The following NEGR1 variants were observed in gnomAD, a reference collection of about 807,000 sequenced individuals.
The protein encoded by NEGR1 is neuronal growth regulator 1, also known as IgLON family member 4.
In NEGR1, 10 loss-of-function variants were observed where a neutral mutation model predicts 40.9. The ratio of observed to expected loss-of-function variants is 0.24; its 90% CI spans 0.15 to 0.42. The LOEUF is 0.42. Among genes scored for constraint, NEGR1 ranks in the 10% least tolerant of loss-of-function variants. The pLI is 1.00. For synonymous variants in NEGR1, 185 were observed against 166.8 expected (o/e 1.11, Z -0.84); for missense variants, 352 against 438.9 (o/e 0.80, Z 1.77).
chr1:71,928,305 T>TATACACATATGTATATAC, intron 2 of NEGR1, among the ~76,000 whole-genome samples: 2 of 133,954 alleles, frequency 1.5e-5, no homozygotes, highest in Admixed American at 7.6e-5. Context: ...TATGTATATA[T>TATACACATATGTATATAC]ACACACATAT....
intron 4 of NEGR1, among the ~76,000 whole-genome samples, chr1:71,613,693 G>A (rs1650347966): frequency 6.6e-6 from 1 of 151,616 alleles, no homozygotes; most frequent in East Asian, 1.9e-4. Flanking sequence ...GAAACATTAG[G>A]AGTTGTATGC....
At chr1:72,262,711 T>C (rs1343209799) in intron 1 of NEGR1, among the ~76,000 whole-genome samples, 2 of 151,970 alleles carry the variant, frequency 1.3e-5, no homozygotes, top group African/African-American at 2.4e-5. Flanking sequence ...TAAAGGTACA[T>C]ATATGCTTAA....
chr1:72,248,893 A>G (rs1654996148), intron 1 of NEGR1, among the ~76,000 whole-genome samples: 1 of 152,138 alleles, frequency 6.6e-6, no homozygotes, highest in African/African-American at 2.4e-5. Context: ...ACATAACCCT[A>G]CAAGAGTTTA....
At chr1:71,572,867 T>C (rs1381515400) in intron 6 of NEGR1, among the ~76,000 whole-genome samples, 1 of 151,962 alleles carries the variant, frequency 6.6e-6, no homozygotes, top group East Asian at 1.9e-4. Context: ...AATCAATGAA[T>C]AGTCGATAAA....
At chr1:72,151,239 C>A (rs1428618504) in intron 1 of NEGR1, among the ~76,000 whole-genome samples, 1 of 151,260 alleles carries the variant, frequency 6.6e-6, no homozygotes. Flanking sequence ...TTGATTTACT[C>A]ATTTTAAATT....
At chr1:71,756,425 C>CAAAAAAAAAAAAA (rs1491453120) in intron 3 of NEGR1, among the ~76,000 whole-genome samples, 1 of 110,432 alleles carries the variant, frequency 9.1e-6, no homozygotes, top group Non-Finnish European at 1.9e-5. Context: ...AAAAAAAAAC[C>CAAAAAAAAAAAAA]AAAAAAAACC....
intron 1 of NEGR1, among the ~76,000 whole-genome samples, chr1:72,141,889 G>A (rs150617459): frequency 6.6e-6 from 1 of 151,998 alleles, no homozygotes; most frequent in Non-Finnish European, 1.5e-5. Context: ...GTCAAACAAT[G>A]ACAGTTAATA....
chr1:71,856,421 T>A (rs879916340), intron 2 of NEGR1, among the ~76,000 whole-genome samples: 2 of 152,132 alleles, frequency 1.3e-5, no homozygotes, highest in African/African-American at 4.8e-5. Flanking sequence ...TCACCCATTT[T>A]ATTTATTTAT....
intron 4 of NEGR1, among the ~76,000 whole-genome samples, chr1:71,680,148 C>A (rs1652789835): frequency 6.6e-6 from 1 of 151,728 alleles, no homozygotes; most frequent in South Asian, 2.1e-4. Flanking sequence ...TGAAAGTTTT[C>A]TTTTTATTTC....
intron 2 of NEGR1, among the ~76,000 whole-genome samples, chr1:71,881,056 G>T (rs1458104297): frequency 6.6e-6 from 1 of 151,752 alleles, no homozygotes; most frequent in Non-Finnish European, 1.5e-5. Flanking sequence ...ATCTTACCTT[G>T]GTATCTCCCT....
intron 4 of NEGR1, among the ~76,000 whole-genome samples, chr1:71,686,866 G>T (rs10749802): frequency 0.98 from 149,717 of 152,262 alleles, 73,646 homozygotes; most frequent in Middle Eastern, 1. Flanking sequence ...AAGTCCTTTT[G>T]ACATCCACAG....
At chr1:71,951,227 C>A (rs1422940092) in intron 1 of NEGR1, among the ~76,000 whole-genome samples, 1 of 151,922 alleles carries the variant, frequency 6.6e-6, no homozygotes, top group African/African-American at 2.4e-5. Context: ...ACACCAAATT[C>A]TCTTACATAT....
chr1:71,931,384 T>C (rs940510737), intron 2 of NEGR1, among the ~76,000 whole-genome samples: 1 of 152,180 alleles, frequency 6.6e-6, no homozygotes, highest in Non-Finnish European at 1.5e-5. Flanking sequence ...GTAGGAACCA[T>C]GTCTTAGTCC....
At chr1:71,604,199 AC>A (rs1650011347) in intron 5 of NEGR1, among the ~76,000 whole-genome samples, 1 of 152,026 alleles carries the variant, frequency 6.6e-6, no homozygotes, top group African/African-American at 2.4e-5. Flanking sequence ...GTCATGTAGC[AC>A]CCCAGGCTTA....
intron 2 of NEGR1, among the ~76,000 whole-genome samples, chr1:71,834,209 T>C (rs982118683): frequency 3.9e-5 from 6 of 152,246 alleles, no homozygotes; most frequent in African/African-American, 1.2e-4. Context: ...AAGAAATTGG[T>C]ATCTAGCTAT....
chr1:71,834,446 A>G (rs1247467839), intron 2 of NEGR1, among the ~76,000 whole-genome samples: 1 of 150,276 alleles, frequency 6.7e-6, no homozygotes, highest in Non-Finnish European at 1.5e-5. Context: ...GGAATTCACC[A>G]CCCACCCCCA....
chr1:71,652,538 A>G (rs2101583385), intron 4 of NEGR1, among the ~76,000 whole-genome samples: 1 of 152,288 alleles, frequency 6.6e-6, no homozygotes, highest in East Asian at 1.9e-4. Context: ...CAGACACCAT[A>G]GGGCCAACAA....
intron 1 of NEGR1, among the ~76,000 whole-genome samples, chr1:72,062,460 G>A (rs1226788896): frequency 6.6e-6 from 1 of 151,868 alleles, no homozygotes; most frequent in Admixed American, 6.6e-5. Flanking sequence ...CTTTGAAGAG[G>A]AAAAAGACTT....
intron 3 of NEGR1, among the ~76,000 whole-genome samples, chr1:71,736,935 A>G (rs981851927): frequency 1.3e-4 from 20 of 152,230 alleles, no homozygotes; most frequent in Admixed American, 5.9e-4. Context: ...TCATGAAGGC[A>G]CATTTTGGAT....
Sources: gnomAD v4.1 joint callset for allele counts (sites outside exome capture counted in the v4.1 genomes callset) on GRCh38, gnomAD v4.1.1 for gene constraint, MANE v1.5 for transcripts, NCBI Gene and HGNC (gene_info 2026-07-23, HGNC 2026-07-21) for gene names.